LINGO1: variants seen among roughly 807,000 people sequenced by gnomAD.
LINGO1 encodes the protein leucine-rich repeat and immunoglobulin-like domain-containing nogo receptor-interacting protein 1.
In LINGO1, 11 loss-of-function variants were observed where a neutral mutation model predicts 37.3. That is an observed-to-expected ratio of 0.29 (90% CI 0.19 to 0.49). LINGO1 has a LOEUF of 0.49. LINGO1 is among the 20% of genes least tolerant of loss of function. The probability of loss-of-function intolerance (pLI) is 0.99; values close to 1 mark genes in which losing one functional copy is unlikely to be tolerated. For synonymous variants in LINGO1, 387 were observed against 403.0 expected, an observed-to-expected ratio of 0.96 and a Z score of 0.48; for missense variants, 585 against 878.2, an observed-to-expected ratio of 0.67 and a Z score of 4.22.
chr15:77,796,511 G>C (rs2076874602), intron 1 of LINGO1, among the ~76,000 whole-genome samples: 1 of 152,234 alleles, frequency 6.6e-6, no homozygotes. Flanking sequence ...AAGAGAGAGA[G>C]AAGGGACACA....
chr15:77,808,066 G>A (rs931169392), intron 1 of LINGO1, among the ~76,000 whole-genome samples: 1 of 152,138 alleles, frequency 6.6e-6, no homozygotes, highest in African/African-American at 2.4e-5. Context: ...TCAAGGGGGA[G>A]AGAAGCCCCC....
chr15:77,619,586 T>C (rs150938787), intron 1 of LINGO1, among the ~76,000 whole-genome samples: 2,102 of 151,952 alleles, frequency 0.014, 37 homozygotes, highest in African/African-American at 0.043. Flanking sequence ...CTCAGGGAGA[T>C]TGAAGTGGGA....
chr15:77,646,340 G>A (rs1386284649), intron 3 of LINGO1: 7 of 405,764 alleles, frequency 1.7e-5, no homozygotes, highest in African/African-American at 4.2e-5. Context: ...CGCCTCCCCA[G>A]GATGGACATG....
chr15:77,647,693 G>T (rs1039965278), intron 3 of LINGO1: 1 of 363,760 alleles, frequency 2.7e-6, no homozygotes, highest in African/African-American at 2.1e-5. Context: ...CCCGGGAAAG[G>T]CCCTGGCAAA....
chr15:77,761,351 G>C (rs1179655048), intron 1 of LINGO1, among the ~76,000 whole-genome samples: 4 of 152,168 alleles, frequency 2.6e-5, no homozygotes, highest in Non-Finnish European at 4.4e-5. Context: ...TGAGGAACAA[G>C]GCCACAGCAG....
intron 1 of LINGO1, among the ~76,000 whole-genome samples, chr15:77,777,582 A>T (rs531660464): frequency 1.3e-5 from 2 of 152,240 alleles, no homozygotes; most frequent in South Asian, 4.1e-4. Flanking sequence ...CTGTTGCTGT[A>T]ACAAATCGCC....
intron 1 of LINGO1, among the ~76,000 whole-genome samples, chr15:77,736,731 G>A (rs1185064876): frequency 6.6e-6 from 1 of 152,130 alleles, no homozygotes; most frequent in African/African-American, 2.4e-5. Context: ...CTATGATCGT[G>A]CCACTGCACT....
intron 2 of LINGO1, among the ~76,000 whole-genome samples, chr15:77,724,333 G>A (rs2076081294): frequency 6.6e-6 from 1 of 152,252 alleles, no homozygotes; most frequent in African/African-American, 2.4e-5. Flanking sequence ...GGCAGGGAGG[G>A]TGGCGTGAGC....
intron 1 of LINGO1, among the ~76,000 whole-genome samples, chr15:77,771,741 A>AC (rs1158272886): frequency 6.6e-6 from 1 of 151,612 alleles, no homozygotes; most frequent in African/African-American, 2.4e-5. Flanking sequence ...AGCCTTGGCC[A>AC]CCCCCCGCCT....
chr15:77,729,645 G>A (rs2141328946), intron 2 of LINGO1, among the ~76,000 whole-genome samples: 1 of 152,342 alleles, frequency 6.6e-6, no homozygotes, highest in Non-Finnish European at 1.5e-5. Context: ...CACACTCTGA[G>A]CTGCCGTGGG....
intron 1 of LINGO1, among the ~76,000 whole-genome samples, chr15:77,742,854 G>A (rs1339246152): frequency 3.3e-5 from 5 of 152,174 alleles, no homozygotes; most frequent in African/African-American, 9.7e-5. Context: ...GCTGGAAGGG[G>A]AGGAATTCTC....
At chr15:77,723,894 G>C (rs1300683769) in intron 2 of LINGO1, among the ~76,000 whole-genome samples, 1 of 152,182 alleles carries the variant, frequency 6.6e-6, no homozygotes, top group East Asian at 1.9e-4. Context: ...GGGGGCGGGA[G>C]GCGAGAGAAA....
chr15:77,732,975 G>A (rs1227079134), intron 2 of LINGO1, among the ~76,000 whole-genome samples: 1 of 152,198 alleles, frequency 6.6e-6, no homozygotes, highest in Non-Finnish European at 1.5e-5. Context: ...CTCCTGGATT[G>A]GAGCCTGTCC....
At chr15:77,756,822 G>A (rs1481971642) in intron 1 of LINGO1, among the ~76,000 whole-genome samples, 2 of 152,148 alleles carry the variant, frequency 1.3e-5, no homozygotes, top group Non-Finnish European at 2.9e-5. Flanking sequence ...GGCACTGAAT[G>A]TCCCCACGTA....
intron 1 of LINGO1, among the ~76,000 whole-genome samples, chr15:77,772,190 G>A (rs1381863906): frequency 6.6e-6 from 1 of 152,218 alleles, no homozygotes; most frequent in East Asian, 1.9e-4. Flanking sequence ...TATCTAACCT[G>A]AGCTTCCTCT....
chr15:77,685,138 G>A (rs143824479), intron 2 of LINGO1, among the ~76,000 whole-genome samples: 3,419 of 150,016 alleles, frequency 0.023, 53 homozygotes, highest in Non-Finnish European at 0.034. Flanking sequence ...CTGGAGCAAG[G>A]TGGGAAGCTG....
intron 3 of LINGO1, among the ~76,000 whole-genome samples, chr15:77,670,324 T>C (rs1360862524): frequency 6.6e-6 from 1 of 152,280 alleles, no homozygotes; most frequent in Non-Finnish European, 1.5e-5. Flanking sequence ...AACTGTATGC[T>C]TTAAAATAGT....
intron 1 of LINGO1, among the ~76,000 whole-genome samples, chr15:77,753,595 T>C (rs1468962319): frequency 6.6e-6 from 1 of 152,206 alleles, no homozygotes; most frequent in African/African-American, 2.4e-5. Flanking sequence ...TTGCTGTTTC[T>C]GGGCACTGCC....
chr15:77,675,723 T>A (rs951515589), intron 3 of LINGO1, among the ~76,000 whole-genome samples: 1 of 152,066 alleles, frequency 6.6e-6, no homozygotes, highest in East Asian at 1.9e-4. Flanking sequence ...GATACATACA[T>A]AGATAATAGG....
Sources: gnomAD v4.1 joint callset for allele counts (sites outside exome capture counted in the v4.1 genomes callset) on GRCh38, gnomAD v4.1.1 for gene constraint, MANE v1.5 for transcripts, NCBI Gene and HGNC (gene_info 2026-07-23, HGNC 2026-07-21) for gene names.